Variants in PRKN observed in about 807,000 individuals in gnomAD.
PRKN encodes E3 ubiquitin-protein ligase parkin.
A neutral mutation model predicts 59.5 loss-of-function variants in PRKN; 56 were observed. That is an observed-to-expected ratio of 0.94 (90% CI 0.76 to 1.18). The LOEUF (loss-of-function observed/expected upper bound fraction) is 1.18, where lower values mean the gene tolerates loss of function less well. Among genes scored for constraint, PRKN ranks in the 50% most tolerant of loss-of-function variants. The probability of loss-of-function intolerance (pLI) is 0.00; values close to 1 mark genes in which losing one functional copy is unlikely to be tolerated. For missense variants in PRKN, 657 were observed against 596.4 expected, an observed-to-expected ratio of 1.10 and a Z score of -1.06; for synonymous variants, 250 against 222.1, an observed-to-expected ratio of 1.13 and a Z score of -1.12.
intron 1 of PRKN, among the ~76,000 whole-genome samples, chr6:162,554,420 T>C (rs1466873645): frequency 6.6e-6 from 1 of 152,166 alleles, no homozygotes; most frequent in African/African-American, 2.4e-5. Context: ...GAGAATCACT[T>C]GAACTCGGGA....
chr6:161,520,536 ATTCT>A (rs534936148), intron 9 of PRKN, among the ~76,000 whole-genome samples: 288 of 152,120 alleles, frequency 1.9e-3, no homozygotes, highest in Non-Finnish European at 3.5e-3. Flanking sequence ...CCAATAGTTA[ATTCT>A]TTATTTTGAA....
At chr6:162,498,955 C>T (rs1202214633) in intron 1 of PRKN, among the ~76,000 whole-genome samples, 1 of 152,080 alleles carries the variant, frequency 6.6e-6, no homozygotes, top group African/African-American at 2.4e-5. Flanking sequence ...GTTTGCTCAT[C>T]CATTTATTAA....
At chr6:161,674,303 TA>T (rs1785012062) in intron 7 of PRKN, among the ~76,000 whole-genome samples, 1 of 152,108 alleles carries the variant, frequency 6.6e-6, no homozygotes, top group Non-Finnish European at 1.5e-5. Context: ...ATAATTGTTT[TA>T]TTTTTAATCT....
At chr6:162,727,336 A>AGGTGAGGGGCGGCGGCGGGGC in intron 1 of PRKN, 2 of 274,934 alleles carry the variant, frequency 7.3e-6, no homozygotes, top group Non-Finnish European at 6.5e-6. Context: ...GGCGGCGGGG[A>AGGTGAGGGGCGGCGGCGGGGC]GAAGGCTTCG....
chr6:161,790,477 A>C (rs1448364763), intron 6 of PRKN, among the ~76,000 whole-genome samples: 1 of 152,178 alleles, frequency 6.6e-6, no homozygotes, highest in African/African-American at 2.4e-5. Context: ...GTATGTTAAA[A>C]TCCTTATCTC....
At chr6:162,563,404 C>T (rs989790513) in intron 1 of PRKN, among the ~76,000 whole-genome samples, 2 of 152,160 alleles carry the variant, frequency 1.3e-5, no homozygotes, top group Non-Finnish European at 2.9e-5. Context: ...CAGATCTTGT[C>T]CAAGACCATC....
rs375916388 is a variant in PRKN, at chr6:162,058,690, T to A, written c.535-4516A>T. ...CTAATAGGCCGGGCATGGTGGCTCA[T>A]GCCTGGAATCCCAGCACTTTGGGTG... is the stretch of plus-strand genomic sequence containing the variant. On this transcript the variant is annotated intron_variant, in intron 4 of 11. Transcript: ENST00000366898. Among the ~76,000 whole-genome samples the A allele has an allele frequency of 3.9e-5, 6 of 152,242 alleles. No homozygotes were observed. In the South Asian group the frequency reaches 1.2e-3, roughly 32 times the overall value.
At chr6:162,454,329 T>C (rs975749764) in intron 1 of PRKN, among the ~76,000 whole-genome samples, 3 of 152,230 alleles carry the variant, frequency 2.0e-5, no homozygotes, top group Non-Finnish European at 4.4e-5. Flanking sequence ...TTATAGTAAA[T>C]TGTAATTGGT....
intron 6 of PRKN, among the ~76,000 whole-genome samples, chr6:161,956,554 CAATT>C (rs1312351889): frequency 1.3e-4 from 19 of 147,976 alleles, no homozygotes; most frequent in Non-Finnish European, 2.7e-4. Context: ...TAAACTCTCT[CAATT>C]AAGCCAAATT....
At chr6:161,913,932 A>G (rs1411648007) in intron 6 of PRKN, among the ~76,000 whole-genome samples, 2 of 152,214 alleles carry the variant, frequency 1.3e-5, no homozygotes, top group Non-Finnish European at 2.9e-5. Flanking sequence ...GCAGCTGTCA[A>G]TAAACCACGA....
chr6:162,184,776 C>T (rs1164998054), intron 4 of PRKN, among the ~76,000 whole-genome samples: 1 of 152,156 alleles, frequency 6.6e-6, no homozygotes, highest in African/African-American at 2.4e-5. Flanking sequence ...ACATTTCACA[C>T]GTGCTTTAAA....
chr6:161,919,579 C>T (rs984048254), intron 6 of PRKN, among the ~76,000 whole-genome samples: 1 of 152,204 alleles, frequency 6.6e-6, no homozygotes, highest in African/African-American at 2.4e-5. Flanking sequence ...TCAGTTGTTC[C>T]TGTTATAGGA....
intron 7 of PRKN, among the ~76,000 whole-genome samples, chr6:161,668,794 C>T (rs2128168102): frequency 6.6e-6 from 1 of 152,290 alleles, no homozygotes; most frequent in Non-Finnish European, 1.5e-5. Flanking sequence ...TTTTCATAAG[C>T]ATGTTGTGGT....
chr6:161,402,184 T>G lies in PRKN; in HGVS notation c.1084-15307A>C, dbSNP rs966436602. On this transcript the variant is annotated intron_variant, in intron 9 of 11. Transcript: ENST00000366898. The surrounding 1 kb of genome is among the most constrained non-coding windows in gnomAD (Gnocchi z 4.5). The stretch of plus-strand genomic sequence containing the variant: ...AAGATAACTCATGCCTCGGGGGTCG[T>G]GAGCAGGAGGTGAAGCCAAATGCCT... Among the ~76,000 whole-genome samples, 4 of 151,882 alleles carry G rather than the reference T, an allele frequency of 2.6e-5. No individual in the cohort carries two copies. The highest frequency in any genetic ancestry group is 4.8e-5 in the African/African-American group (2 of 41,300).
chr6:162,702,832 T>C (rs1195409330), intron 1 of PRKN, among the ~76,000 whole-genome samples: 1 of 152,206 alleles, frequency 6.6e-6, no homozygotes, highest in Non-Finnish European at 1.5e-5. Context: ...GAGAGATGTT[T>C]AACTCCTTAA....
intron 6 of PRKN, among the ~76,000 whole-genome samples, chr6:161,918,015 A>G (rs1330371667): frequency 6.6e-6 from 1 of 152,222 alleles, no homozygotes; most frequent in Non-Finnish European, 1.5e-5. Flanking sequence ...ATACATATTT[A>G]TAAGTGTGGA....
At chr6:162,269,475 T>C (rs1272780407) in intron 2 of PRKN, 1 of 152,182 alleles carries the variant, frequency 6.6e-6, no homozygotes, top group Non-Finnish European at 1.5e-5. Context: ...CTGAGCCCAA[T>C]GCTCTATTTC....
At chr6:161,643,459 A>G (rs1243798967) in intron 7 of PRKN, among the ~76,000 whole-genome samples, 1 of 152,200 alleles carries the variant, frequency 6.6e-6, no homozygotes, top group Non-Finnish European at 1.5e-5. Context: ...TTATGCTACT[A>G]AATTTAGATA....
At chr6:161,624,476 G>A (rs181242272) in intron 7 of PRKN, among the ~76,000 whole-genome samples, 69 of 152,326 alleles carry the variant, frequency 4.5e-4, no homozygotes, top group Non-Finnish European at 7.4e-5. Flanking sequence ...TGCTCTCTCA[G>A]CTCATGCTCT....
Sources: allele counts gnomAD v4.1 joint callset (sites outside exome capture counted in the v4.1 genomes callset), GRCh38; gene constraint gnomAD v4.1.1; non-coding constraint Gnocchi (gnomAD v3.1); transcripts MANE v1.5; gene names NCBI Gene and HGNC (gene_info 2026-07-23, HGNC 2026-07-21).